Variants in ARHGDIB observed in about 807,000 individuals in gnomAD.
ARHGDIB encodes the protein rho GDP-dissociation inhibitor 2.
Under a neutral mutation model 22.6 loss-of-function variants are expected in ARHGDIB, and 20 were observed. The ratio of observed to expected loss-of-function variants is 0.88; its 90% confidence interval spans 0.62 to 1.28. The LOEUF (loss-of-function observed/expected upper bound fraction) is 1.28. Among genes scored for constraint, ARHGDIB ranks in the 50% most tolerant of loss-of-function variants. The pLI is 0.00. For synonymous variants in ARHGDIB, 114 were observed against 96.1 expected, an observed-to-expected ratio of 1.19 and a Z score of -1.09; for missense variants, 254 against 245.4, an observed-to-expected ratio of 1.04 and a Z score of -0.23.
At position 14,950,540 on chromosome 12, in the gene ARHGDIB, A is replaced by C; in HGVS notation, c.173T>G (p.Val58Gly). 1 of 1,612,888 alleles carries C rather than the reference A, an allele frequency of 6.2e-7. No individual in the cohort carries two copies. The highest frequency in any genetic ancestry group is 1.3e-5 in the African/African-American group (1 of 74,966). Residue 58 changes from valine (V) to glycine (G), a missense_variant, in exon 2 of 6, where the codon GTG (valine) becomes GGG (glycine). Physicochemically the swap from Val to Gly is moderately radical, Grantham distance 109. Transcript: ENST00000228945. Reference sequence around the variant, plus strand: ...TCTCTGTACACACATACCTGTCACCACAGGACCATCTCCCAGCAGCGTTTT... The same window carrying C: ...TCTCTGTACACACATACCTGTCACCCCAGGACCATCTCCCAGCAGCGTTTT... ...YKKTLLGDGP[V>G]VTDPKAPNVV...
At chr12:14,961,263 C>T (rs1864405680) in intron 1 of ARHGDIB, 1 of 152,222 alleles carries the variant, frequency 6.6e-6, no homozygotes, top group Admixed American at 6.5e-5. Flanking sequence ...CAGAGCCCTT[C>T]TGAGAATATT....
At chr12:14,945,618 G>A (rs938035799) in intron 4 of ARHGDIB, among the ~76,000 whole-genome samples, 7 of 152,222 alleles carry the variant, frequency 4.6e-5, no homozygotes, top group East Asian at 1.9e-4. Context: ...ATCATTAGCC[G>A]AAGAGCTTGG....
chr12:14,943,858 C>T (rs1381925610), intron 5 of ARHGDIB, among the ~76,000 whole-genome samples: 16 of 152,186 alleles, frequency 1.1e-4, no homozygotes, highest in Admixed American at 1.0e-3. Context: ...TGTCACTGTC[C>T]TTTTGTCTAA....
rs1863881646 is a variant in ARHGDIB at position 14,942,318 on chromosome 12, G to A, written c.*204C>T. 1.7e-6 allele frequency: 1 copy of A among 587,958 alleles called. No individual in the cohort carries two copies. The allele number at this position is 587,958 out of a possible 1,614,324, so 36.4% of individuals were successfully genotyped here. On this transcript the variant is annotated 3_prime_UTR_variant, in exon 6 of 6. Coordinates refer to ENST00000228945, the MANE Select transcript of ARHGDIB (RefSeq NM_001175.7). Reference sequence around the variant, plus strand: ...GATCTGGCCCTGATGGAGGATCAGAGGGAGCAGGTTGGGTGAAAGCCCGGT... The same window carrying A: ...GATCTGGCCCTGATGGAGGATCAGAAGGAGCAGGTTGGGTGAAAGCCCGGT...
At chr12:14,945,279 T>C (rs1284263503) in intron 4 of ARHGDIB, among the ~76,000 whole-genome samples, 1 of 152,190 alleles carries the variant, frequency 6.6e-6, no homozygotes, top group Non-Finnish European at 1.5e-5. Flanking sequence ...ACCTCAGAGA[T>C]GATCCACTTA....
chr12:14,953,086 A>T (rs889718551), intron 1 of ARHGDIB, among the ~76,000 whole-genome samples: 2 of 152,228 alleles, frequency 1.3e-5, no homozygotes, highest in Non-Finnish European at 2.9e-5. Flanking sequence ...TGATCTTCTC[A>T]TCAGTAAATC....
intron 4 of ARHGDIB, among the ~76,000 whole-genome samples, chr12:14,946,694 A>C (rs1392562101): frequency 6.6e-6 from 1 of 152,172 alleles, no homozygotes; most frequent in Non-Finnish European, 1.5e-5. Context: ...TCCAGAGGAG[A>C]AGCCCCTGTT....
rs148525677 is a variant in ARHGDIB, at chr12:14,957,616, C to A, written c.-13+3921G>T. The stretch of plus-strand genomic sequence containing the variant: ...GGTTTTATTTATTGCTCCCTGTCTT[C>A]ATTGAAGCCAGAGGTCACTCTGCGA... On this transcript the variant is annotated intron_variant, in intron 1 of 5. Transcript: ENST00000228945. 4.1e-3 allele frequency among the ~76,000 whole-genome samples: 629 copies of A among 152,266 alleles called. 2 individuals are homozygous for A. Among genetic ancestry groups the A allele is most frequent in the African/African-American group, 0.014 (589 of 41,542 alleles).
chr12:14,942,859 T>C (rs1863903680), intron 5 of ARHGDIB, 138 bp from the exon 6 acceptor site: 2 of 753,880 alleles, frequency 2.7e-6, no homozygotes, highest in East Asian at 5.5e-5. Context: ...AACATTAGAT[T>C]TACCTGAGGC....
Position 14,944,831 on chromosome 12 carries a change from C to T in ARHGDIB, c.351G>A (p.Arg117=). The T allele has an allele frequency of 6.2e-7, 1 of 1,613,098 alleles. No homozygotes were observed. The highest frequency in any genetic ancestry group is 8.5e-7 in the Non-Finnish European group (1 of 1,179,520). Residue 117 remains arginine (R), a synonymous_variant, in exon 5 of 6, where the codon AGG becomes AGA. Transcript: ENST00000228945. Reference sequence around the variant, plus strand: ...CGTATTTCAGGCCTGACACAATATCCCTGTTCACCTGCAGGTGGGAAGGAA... The same window carrying T: ...CGTATTTCAGGCCTGACACAATATCTCTGTTCACCTGCAGGTGGGAAGGAA... ...YRVKIHFKVN[R]DIVSGLKYVQ... is the part of the protein sequence containing the mutation.
Position 14,942,720 on chromosome 12 carries a change from C to T in ARHGDIB, c.408G>A (p.Val136=). The T allele has an allele frequency of 6.2e-7, 1 of 1,613,668 alleles. No homozygotes were observed. Among genetic ancestry groups the T allele is most frequent in the Non-Finnish European group, 8.5e-7 (1 of 1,179,936 alleles). The change falls in exon 6 of 6, where the codon GTG becomes GTA. Residue 136 remains valine, a splice_region_variant and synonymous_variant. Coordinates refer to ENST00000228945, the MANE Select transcript of ARHGDIB (RefSeq NM_001175.7). ...TGCCAACCATAAATGTTGCTTTATCCACTAAGAAGAAAGAAGAGTTCATTA... is the reference window on the plus strand; with the variant it reads ...TGCCAACCATAAATGTTGCTTTATCTACTAAGAAGAAAGAAGAGTTCATTA... ...VQHTYRTGVK[V]DKATFMVGSY...
At chr12:14,944,931 C>T in intron 4 of ARHGDIB, 92 bp from the exon 5 acceptor site, 1 of 1,065,510 alleles carries the variant, frequency 9.4e-7, no homozygotes, top group Non-Finnish European at 1.4e-6. Context: ...TGAATCGTCT[C>T]TGACAATGAA....
chr12:14,942,064 C>T lies in ARHGDIB; in HGVS notation c.*458G>A, dbSNP rs888686272. 5.7e-6 allele frequency: 1 copy of T among 174,520 alleles called. No homozygotes were observed. Among genetic ancestry groups the T allele is most frequent in the Non-Finnish European group, 1.2e-5 (1 of 80,324 alleles). 10.8% of individuals were successfully genotyped at this position (174,520 alleles called of 1,614,324 possible). A position where few individuals can be genotyped will look rare whatever the true frequency, so the allele number is the denominator to read the frequency against. ...TTGTTTTATTCTTGTTCTCTTGTGT[C>T]GTTTACAGTGTCTCTCACAAAAGAA... is the stretch of plus-strand genomic sequence containing the variant. On this transcript the variant is annotated 3_prime_UTR_variant, in exon 6 of 6. Transcript: ENST00000228945.
At chr12:14,950,408 TGC>T in intron 2 of ARHGDIB, 122 bp downstream of exon 2, 1 of 785,898 alleles carries the variant, frequency 1.3e-6, no homozygotes, top group Non-Finnish European at 2.1e-6. Context: ...ATATAAATTG[TGC>T]CTCGCTCACT....
Position 14,950,624 on chromosome 12 carries a change from T to C in ARHGDIB, c.89A>G (p.Lys30Arg). Residue 30 changes from lysine to arginine, a missense_variant, in exon 2 of 6, where the codon AAG becomes AGG. Lys to Arg is a conservative substitution (Grantham distance 26). Transcript: ENST00000228945. Reference sequence around the variant, plus strand: ...CATTTCCTGCAGCTCTTTCAGGGACTTCTGTGGTGGAGGCTTATAATTGAG... The same window carrying C: ...CATTTCCTGCAGCTCTTTCAGGGACCTCTGTGGTGGAGGCTTATAATTGAG... ...SKLNYKPPPQ[K>R]SLKELQEMDK... The C allele has an allele frequency of 6.2e-7, 1 of 1,614,100 alleles. No homozygotes were observed. Among genetic ancestry groups the C allele is most frequent in the Non-Finnish European group, 8.5e-7 (1 of 1,179,962 alleles).
chr12:14,944,886 AT>A, intron 4 of ARHGDIB, 47 bp from the exon 5 acceptor site: 1 of 1,542,500 alleles, frequency 6.5e-7, no homozygotes, highest in Non-Finnish European at 8.9e-7. Context: ...AGGGTCTTTC[AT>A]TTTTTCTCAT....
chr12:14,949,227 C>T (rs541402546), intron 3 of ARHGDIB, among the ~76,000 whole-genome samples: 52 of 152,276 alleles, frequency 3.4e-4, no homozygotes, highest in African/African-American at 1.0e-3. Flanking sequence ...CTCCTCAAGC[C>T]CTAAGTCTCA....
At chr12:14,954,938 C>T (rs1864268110) in intron 1 of ARHGDIB, among the ~76,000 whole-genome samples, 1 of 151,766 alleles carries the variant, frequency 6.6e-6, no homozygotes, top group Admixed American at 6.6e-5. Context: ...ATGTTGTATA[C>T]CTTAAATATA....
intron 1 of ARHGDIB, among the ~76,000 whole-genome samples, chr12:14,952,647 G>A (rs910937150): frequency 1.3e-5 from 2 of 152,206 alleles, no homozygotes; most frequent in African/African-American, 4.8e-5. Flanking sequence ...CATTCATTAA[G>A]GGGCAAATGA....
Sources: allele counts gnomAD v4.1 joint callset (sites outside exome capture counted in the v4.1 genomes callset), GRCh38; gene constraint gnomAD v4.1.1; transcripts MANE v1.5; gene names NCBI Gene and HGNC (gene_info 2026-07-23, HGNC 2026-07-21).